SAXO1: variants seen among roughly 807,000 people sequenced by gnomAD.
SAXO1 encodes 4930500O09Rik.
A neutral mutation model predicts 17.5 loss-of-function variants in SAXO1; 21 were observed. That is an observed-to-expected ratio of 1.20 (90% CI 0.85 to 1.72). The LOEUF is 1.72. Among genes scored for constraint, SAXO1 ranks in the 40% most tolerant of loss-of-function variants. SAXO1 has a pLI of 0.00. For missense variants in SAXO1, 843 were observed against 596.0 expected, an observed-to-expected ratio of 1.41 and a Z score of -4.32; for synonymous variants, 274 against 216.5, an observed-to-expected ratio of 1.27 and a Z score of -2.33.
intron 1 of SAXO1, among the ~76,000 whole-genome samples, chr9:18,991,014 T>C (rs148366954): frequency 0.014 from 2,198 of 152,216 alleles, 60 homozygotes; most frequent in African/African-American, 0.05. Context: ...TCTCAGCACT[T>C]TGGGAGGCCA....
chr9:19,002,490 T>C (rs4621909), intron 1 of SAXO1, among the ~76,000 whole-genome samples: 128,365 of 152,154 alleles, frequency 0.84, 54,360 homozygotes, highest in African/African-American at 0.9. Context: ...ATGCAAAAAT[T>C]CTCAATAAAA....
At chr9:19,006,470 A>G (rs900196157) in intron 1 of SAXO1, among the ~76,000 whole-genome samples, 15 of 152,380 alleles carry the variant, frequency 9.8e-5, no homozygotes, top group African/African-American at 3.6e-4. Context: ...ATGCTACAAC[A>G]TGAGTGAACC....
At chr9:19,019,915 T>C (rs992699697) in intron 1 of SAXO1, among the ~76,000 whole-genome samples, 3 of 151,932 alleles carry the variant, frequency 2.0e-5, no homozygotes, top group African/African-American at 4.8e-5. Context: ...AGCATTCAAA[T>C]ACTACGTTAT....
chr9:19,027,205 G>A (rs1237380273), intron 1 of SAXO1: 3 of 1,185,946 alleles, frequency 2.5e-6, no homozygotes, highest in Non-Finnish European at 3.8e-6. Context: ...AAGGACAAGT[G>A]TGCTGTGATC....
chr9:18,935,727 C>A (rs1390592170), intron 3 of SAXO1, among the ~76,000 whole-genome samples: 1 of 152,172 alleles, frequency 6.6e-6, no homozygotes, highest in African/African-American at 2.4e-5. Context: ...TGTTGCTTGC[C>A]ACAACTAGCA....
chr9:18,963,559 G>C (rs553919861), intron 1 of SAXO1, among the ~76,000 whole-genome samples: 1 of 152,212 alleles, frequency 6.6e-6, no homozygotes, highest in South Asian at 2.1e-4. Flanking sequence ...TCTCTTCGTA[G>C]CAATTGTGAA....
intron 1 of SAXO1, among the ~76,000 whole-genome samples, chr9:18,955,216 T>G (rs1484859205): frequency 6.6e-6 from 1 of 152,162 alleles, no homozygotes; most frequent in African/African-American, 2.4e-5. Context: ...AACTAAAAAG[T>G]TTTTTAAAAG....
intron 1 of SAXO1, among the ~76,000 whole-genome samples, chr9:19,009,089 A>G (rs1381957421): frequency 6.6e-6 from 1 of 152,130 alleles, no homozygotes; most frequent in African/African-American, 2.4e-5. Context: ...GTACCCCCAC[A>G]CAGCAACAGC....
upstream of SAXO1, among the ~76,000 whole-genome samples, chr9:19,037,623 G>C (rs1835974798): frequency 6.6e-6 from 1 of 152,138 alleles, no homozygotes; most frequent in African/African-American, 2.4e-5. Context: ...GGCCTCCCCA[G>C]CCATGTGGAA....
At chr9:18,954,720 C>G (rs1366555775) in intron 1 of SAXO1, among the ~76,000 whole-genome samples, 1 of 152,030 alleles carries the variant, frequency 6.6e-6, no homozygotes, top group Non-Finnish European at 1.5e-5. Flanking sequence ...GATGAAAAAT[C>G]TGAAGTTCCG....
At chr9:18,937,556 G>A (rs1563928856) in intron 3 of SAXO1, among the ~76,000 whole-genome samples, 1 of 152,194 alleles carries the variant, frequency 6.6e-6, no homozygotes, top group Non-Finnish European at 1.5e-5. Flanking sequence ...CAAAATTCAT[G>A]TGCTGAAACT....
intron 1 of SAXO1, among the ~76,000 whole-genome samples, chr9:18,954,479 G>C (rs1012569354): frequency 1.3e-5 from 2 of 151,960 alleles, no homozygotes; most frequent in Non-Finnish European, 2.9e-5. Flanking sequence ...TGGGACCACA[G>C]ACACGCAAAA....
chr9:18,966,150 C>A (rs1286355988), intron 1 of SAXO1, among the ~76,000 whole-genome samples: 2 of 152,210 alleles, frequency 1.3e-5, no homozygotes, highest in African/African-American at 4.8e-5. Context: ...GGCAACCCAA[C>A]CTTTCTCTCT....
chr9:19,036,835 A>G (rs1458858691), upstream of SAXO1, among the ~76,000 whole-genome samples: 1 of 152,224 alleles, frequency 6.6e-6, no homozygotes, highest in African/African-American at 2.4e-5. Flanking sequence ...AGCATCCTCC[A>G]GACCCCAAAA....
At chr9:19,003,333 G>T (rs1834357642) in intron 1 of SAXO1, among the ~76,000 whole-genome samples, 1 of 152,152 alleles carries the variant, frequency 6.6e-6, no homozygotes. Context: ...GTAATTTACA[G>T]ATTCAATGCT....
chr9:18,999,011 G>T (rs1331262063), intron 1 of SAXO1, among the ~76,000 whole-genome samples: 2 of 152,210 alleles, frequency 1.3e-5, no homozygotes, highest in African/African-American at 4.8e-5. Flanking sequence ...ATGCCAAATG[G>T]TAAAGACCAC....
chr9:18,938,821 C>CGT (rs67090530), intron 3 of SAXO1, among the ~76,000 whole-genome samples: 12,091 of 78,442 alleles, frequency 0.15, 518 homozygotes, highest in Non-Finnish European at 0.17. Flanking sequence ...TGCGTGCGTG[C>CGT]GTGTGTGTGT....
chr9:18,942,322 G>A (rs1831598836), intron 2 of SAXO1, among the ~76,000 whole-genome samples: 1 of 152,078 alleles, frequency 6.6e-6, no homozygotes, highest in Admixed American at 6.6e-5. Context: ...TTCTGGACCT[G>A]GCTCCTGCCT....
chr9:18,945,527 G>C (rs763777267), intron 2 of SAXO1, among the ~76,000 whole-genome samples: 1 of 152,152 alleles, frequency 6.6e-6, no homozygotes, highest in Non-Finnish European at 1.5e-5. Flanking sequence ...GGCAGCTTGG[G>C]GAGTCCATCC....
Sources: gnomAD v4.1 joint callset for allele counts (sites outside exome capture counted in the v4.1 genomes callset) on GRCh38, gnomAD v4.1.1 for gene constraint, MANE v1.5 for transcripts, NCBI Gene and HGNC (gene_info 2026-07-23, HGNC 2026-07-21) for gene names.